ZNF746: variants seen among roughly 807,000 people sequenced by gnomAD.
ZNF746 encodes the protein zinc finger protein 746, also known as parkin-interacting substrate.
In ZNF746, 13 loss-of-function variants were observed where a neutral mutation model predicts 41.0. That is an observed-to-expected ratio of 0.32 (90% CI 0.21 to 0.50). The LOEUF (loss-of-function observed/expected upper bound fraction) is 0.50, where lower values mean the gene tolerates loss of function less well. Ranked by LOEUF, ZNF746 falls within the 20% of genes least tolerant of loss-of-function variation. The pLI is 0.98. For synonymous variants in ZNF746, 424 were observed against 396.2 expected (o/e 1.07, Z -0.83); for missense variants, 811 against 922.9 (o/e 0.88, Z 1.57).
chr7:149,494,513 A>T lies in ZNF746; in HGVS notation c.25-10T>A, dbSNP rs1585743204. 1 of 1,612,610 alleles carries T rather than the reference A, an allele frequency of 6.2e-7. No individual in the cohort carries two copies. The highest frequency in any genetic ancestry group is 1.3e-5 in the African/African-American group (1 of 74,932). ...TCGTCCACGGAGAAATCTTTCAGAA[A>T]CAAAAGAGAAACTGGCATCACTCAT... On this transcript the variant is annotated splice_polypyrimidine_tract_variant and intron_variant, in intron 1 of 6. Coordinates refer to ENST00000458143, the MANE Select transcript of ZNF746 (RefSeq NM_001394198.1). This position sits in a 1 kb window ranked among gnomAD's most constrained non-coding sequence, Gnocchi z 5.6.
At chr7:149,493,139 A>C (rs1175217487) in intron 3 of ZNF746, among the ~76,000 whole-genome samples, 167 bp from the exon 4 acceptor site, 1 of 152,162 alleles carries the variant, frequency 6.6e-6, no homozygotes, top group African/African-American at 2.4e-5. Context: ...CAAAGTCTGG[A>C]GACAATTCTG....
chr7:149,497,540 C>A lies in ZNF746; in HGVS notation c.-4G>T. On this transcript the variant is annotated 5_prime_UTR_variant, in exon 1 of 7. Coordinates refer to ENST00000458143, the MANE Select transcript of ZNF746 (RefSeq NM_001394198.1). The surrounding 1 kb of genome is among the most constrained non-coding windows in gnomAD (Gnocchi z 4.2). Reference sequence around the variant, plus strand: ...GAGCCGCGACCGCCTCGGCCATGGCCCTGCGCTGTCCCGCCCGGCCCGGAG... The same window carrying A: ...GAGCCGCGACCGCCTCGGCCATGGCACTGCGCTGTCCCGCCCGGCCCGGAG... 1.8e-6 allele frequency: 2 copies of A among 1,081,288 alleles called. No homozygotes were observed. Among genetic ancestry groups the A allele is most frequent in the Non-Finnish European group, 2.2e-6 (2 of 894,860 alleles). 67.0% of individuals were successfully genotyped at this position (1,081,288 alleles called of 1,614,324 possible). A position where few individuals can be genotyped will look rare whatever the true frequency, so the allele number is the denominator to read the frequency against.
intron 3 of ZNF746, 141 bp downstream of exon 3, chr7:149,493,848 C>T: frequency 2.9e-6 from 4 of 1,403,244 alleles, no homozygotes; most frequent in Non-Finnish European, 3.9e-6. Flanking sequence ...AGGGCTCATC[C>T]TTCACAAAAG....
Position 149,486,682 on chromosome 7 carries a change from C to T in ZNF746, c.565+6177G>A, listed in dbSNP as rs568133656. Among the ~76,000 whole-genome samples the T allele has an allele frequency of 4.6e-5, 7 of 152,120 alleles. No individual in the cohort carries two copies. In the South Asian group the frequency reaches 1.5e-3, roughly 32 times the overall value. ...AAAACTAAATGTGTTACTTAGGATA[C>T]ATACTGAGGGAATAAAAATGTAAAG... On this transcript the variant is annotated intron_variant, in intron 4 of 6. Transcript: ENST00000458143.
At position 149,492,001 on chromosome 7, in the gene ZNF746, A is replaced by G. The variant is rs567688879; in HGVS notation, c.565+858T>C. 7.1e-6 allele frequency: 5 copies of G among 702,980 alleles called. 1 individual carries two copies. The Middle Eastern group carries it at 6.9e-4, about 97-fold the overall frequency. 43.5% of individuals were successfully genotyped at this position (702,980 alleles called of 1,614,324 possible). On this transcript the variant is annotated intron_variant, in intron 4 of 6. Transcript: ENST00000458143. ...ATAAATGTGTGCTTCTAATAATACC[A>G]AACCATAAGGCTGACCAATGTAGAC...
chr7:149,488,454 G>A (rs982436407), intron 4 of ZNF746: 4 of 152,076 alleles, frequency 2.6e-5, no homozygotes, highest in Non-Finnish European at 4.4e-5. Context: ...ACCTGCCACC[G>A]ACACGGAGAA....
At chr7:149,484,221 A>C (rs1800559071) in intron 4 of ZNF746, among the ~76,000 whole-genome samples, 1 of 152,210 alleles carries the variant, frequency 6.6e-6, no homozygotes, top group Non-Finnish European at 1.5e-5. Context: ...TAATACCGAA[A>C]CCAGACAAAA....
chr7:149,494,853 T>C lies in ZNF746; in HGVS notation c.25-350A>G, dbSNP rs1401076118. 1.3e-5 allele frequency among the ~76,000 whole-genome samples: 2 copies of C among 151,990 alleles called. No individual in the cohort carries two copies. Among genetic ancestry groups the C allele is most frequent in the Admixed American group, 6.6e-5 (1 of 15,254 alleles). On this transcript the variant is annotated intron_variant, in intron 1 of 6. Coordinates refer to ENST00000458143, the MANE Select transcript of ZNF746 (RefSeq NM_001394198.1). The surrounding 1 kb of genome is among the most constrained non-coding windows in gnomAD (Gnocchi z 5.6). ...TCCTTGACACATGGCAGGTACCCAG[T>C]GCAATTTTGTTACGTAAACAGTGAC...
In ZNF746 at chr7:149,486,369, C is replaced by A. The variant is rs1331340430; in HGVS notation, c.565+6490G>T. On this transcript the variant is annotated intron_variant, in intron 4 of 6. Coordinates refer to ENST00000458143, the MANE Select transcript of ZNF746 (RefSeq NM_001394198.1). ...CAGCAGTTCCGCTCCTGGATCTACACCTACAGAAGCTTTTACATATGCATA... is the reference window on the plus strand; with the variant it reads ...CAGCAGTTCCGCTCCTGGATCTACAACTACAGAAGCTTTTACATATGCATA... 2.0e-5 allele frequency among the ~76,000 whole-genome samples: 3 copies of A among 150,168 alleles called. No homozygotes were observed. The East Asian group carries it at 5.8e-4, about 29-fold the overall frequency.
chr7:149,496,769 A>G (rs1222509135), intron 1 of ZNF746: 1 of 971,398 alleles, frequency 1.0e-6, no homozygotes, highest in Non-Finnish European at 1.2e-6. Flanking sequence ...CTTCCCCCGG[A>G]GCCCACCGCA....
chr7:149,497,244 A>G lies in ZNF746; in HGVS notation c.24+269T>C, dbSNP rs1231307777. ...GACAGCGGCTGGGGCGGGGGCAGGAAGCCCCGGAGGGCCCAAAGAACTTGG... is the reference window on the plus strand; with the variant it reads ...GACAGCGGCTGGGGCGGGGGCAGGAGGCCCCGGAGGGCCCAAAGAACTTGG... On this transcript the variant is annotated intron_variant, in intron 1 of 6. Coordinates refer to ENST00000458143, the MANE Select transcript of ZNF746 (RefSeq NM_001394198.1). The surrounding 1 kb of genome is among the most constrained non-coding windows in gnomAD (Gnocchi z 4.2). 3 of 983,236 alleles carry G rather than the reference A, an allele frequency of 3.1e-6. No homozygotes were observed. The Admixed American group carries it at 1.8e-4, about 60-fold the overall frequency. 60.9% of individuals were successfully genotyped at this position (983,236 alleles called of 1,614,324 possible).
At chr7:149,480,880 G>A (rs185710176) in intron 4 of ZNF746, among the ~76,000 whole-genome samples, 62 of 152,302 alleles carry the variant, frequency 4.1e-4, no homozygotes, top group East Asian at 4.0e-3. Context: ...AGAGGGGTTC[G>A]AAGTTATAAA....
chr7:149,474,845 TGCCGCTGCCGCCACC>T lies in ZNF746; in HGVS notation c.1507_1521del (p.Gly503_Gly507del), dbSNP rs1406030041. The stretch of plus-strand genomic sequence containing the variant: ...CCGCTGCCGCCACCGCCGCCGCCAC[TGCCGCTGCCGCCACC>T]GCCTGTGCCCGGGCCCGACCCGTCG... On this transcript the variant is annotated inframe_deletion, in exon 7 of 7. Transcript: ENST00000458143. This position sits in a 1 kb window ranked among gnomAD's most constrained non-coding sequence, Gnocchi z 6.3. 1.4e-6 allele frequency: 2 copies of T among 1,418,234 alleles called. No individual in the cohort carries two copies. Among genetic ancestry groups the T allele is most frequent in the Non-Finnish European group, 9.2e-7 (1 of 1,092,372 alleles). 87.9% of individuals were successfully genotyped at this position (1,418,234 alleles called of 1,614,324 possible). A position where few individuals can be genotyped will look rare whatever the true frequency, so the allele number is the denominator to read the frequency against.
chr7:149,476,818 G>T (rs1800316188), intron 6 of ZNF746, 104 bp downstream of exon 6: 1 of 1,510,944 alleles, frequency 6.6e-7, no homozygotes. Context: ...AATGTCTGTT[G>T]GCTGGAAGGT....
intron 4 of ZNF746, among the ~76,000 whole-genome samples, chr7:149,483,515 G>A (rs1369191440): frequency 6.6e-6 from 1 of 152,046 alleles, no homozygotes; most frequent in Non-Finnish European, 1.5e-5. Context: ...GCTGAGGCAG[G>A]AGAATGGCTT....
intron 4 of ZNF746, chr7:149,488,378 G>C (rs1469626697): frequency 6.6e-6 from 1 of 152,034 alleles, no homozygotes; most frequent in Non-Finnish European, 1.5e-5. Context: ...GATCATAAAG[G>C]AAAAGACTGA....
intron 4 of ZNF746, among the ~76,000 whole-genome samples, chr7:149,482,016 C>T (rs1222744403): frequency 2.6e-5 from 4 of 152,016 alleles, no homozygotes; most frequent in Non-Finnish European, 5.9e-5. Context: ...TTTTATTTAG[C>T]CCAAGATATA....
At chr7:149,489,049 G>A (rs1419169591) in intron 4 of ZNF746, 2 of 152,162 alleles carry the variant, frequency 1.3e-5, no homozygotes, top group African/African-American at 4.8e-5. Context: ...AGAATAATGA[G>A]TGATAAATAT....
rs761278450 is a variant in ZNF746, at chr7:149,475,304, G to C, written c.1063C>G (p.Gln355Glu). 7 of 1,613,818 alleles carry C rather than the reference G, an allele frequency of 4.3e-6. No individual in the cohort carries two copies. In the African/African-American group the frequency reaches 8.0e-5, roughly 18 times the overall value. ...WESQGSSFPS[Q>E]DPVLGLREPA... Reference sequence around the variant, plus strand: ...TCTCGCAGCCCCAGCACAGGGTCCTGGCTGGGGAAGGAGCTGCCCTGGCTT... The same window carrying C: ...TCTCGCAGCCCCAGCACAGGGTCCTCGCTGGGGAAGGAGCTGCCCTGGCTT... Residue 355 changes from glutamine to glutamate, a missense_variant, in exon 7 of 7, where the codon CAG becomes GAG. Gln to Glu is a conservative substitution (Grantham distance 29). Coordinates refer to ENST00000458143, the MANE Select transcript of ZNF746 (RefSeq NM_001394198.1).
Sources: gnomAD v4.1 joint callset for allele counts (sites outside exome capture counted in the v4.1 genomes callset) on GRCh38, gnomAD v4.1.1 for gene constraint, Gnocchi (gnomAD v3.1) non-coding constraint, MANE v1.5 for transcripts, NCBI Gene and HGNC (gene_info 2026-07-23, HGNC 2026-07-21) for gene names.